IMMP2L: variants seen among roughly 807,000 people sequenced by gnomAD.
IMMP2L encodes mitochondrial inner membrane protease subunit 2.
In IMMP2L, 18 loss-of-function variants were observed where a neutral mutation model predicts 19.3. The ratio of observed to expected loss-of-function variants is 0.93; its 90% CI spans 0.64 to 1.38. The LOEUF (loss-of-function observed/expected upper bound fraction) is 1.38, where lower values mean the gene tolerates loss of function less well. Ranked by LOEUF, IMMP2L falls within the 40% of genes most tolerant of loss-of-function variation. IMMP2L has a pLI of 0.00. For synonymous variants in IMMP2L, 76 were observed against 73.0 expected (o/e 1.04, Z -0.21); for missense variants, 233 against 218.2 (o/e 1.07, Z -0.43).
chr7:110,915,091 A>C (rs1341476091), intron 4 of IMMP2L, among the ~76,000 whole-genome samples: 1 of 152,206 alleles, frequency 6.6e-6, no homozygotes, highest in Admixed American at 6.5e-5. Flanking sequence ...ATTCCTGGGT[A>C]TATATCCAAA....
chr7:111,529,641 G>T (rs1847208410), intron 1 of IMMP2L, among the ~76,000 whole-genome samples: 1 of 152,136 alleles, frequency 6.6e-6, no homozygotes, highest in South Asian at 2.1e-4. Context: ...ATGTAATTAT[G>T]TAAGGCATAA....
chr7:111,398,113 CT>C (rs1025371072), intron 3 of IMMP2L, among the ~76,000 whole-genome samples: 10 of 151,966 alleles, frequency 6.6e-5, no homozygotes, highest in African/African-American at 2.4e-4. Context: ...ACCATAAACA[CT>C]TTTCGGATTA....
At chr7:111,340,179 TG>T (rs1281613877) in intron 3 of IMMP2L, among the ~76,000 whole-genome samples, 1 of 152,014 alleles carries the variant, frequency 6.6e-6, no homozygotes, top group Non-Finnish European at 1.5e-5. Context: ...GCATACACAG[TG>T]CAAAAAGAAT....
intron 5 of IMMP2L, among the ~76,000 whole-genome samples, chr7:110,790,284 C>A (rs1335124778): frequency 6.6e-6 from 1 of 151,560 alleles, no homozygotes; most frequent in South Asian, 2.1e-4. Context: ...ACAGAGGTAG[C>A]CAAAGGTTGG....
chr7:111,522,905 T>C (rs1209326935), intron 1 of IMMP2L, among the ~76,000 whole-genome samples: 1 of 121,904 alleles, frequency 8.2e-6, no homozygotes, highest in African/African-American at 3.8e-5. Context: ...AATGGATGAA[T>C]GAACTTTAAG....
At chr7:111,490,156 G>A (rs923790482) in intron 2 of IMMP2L, among the ~76,000 whole-genome samples, 22 of 149,368 alleles carry the variant, frequency 1.5e-4, no homozygotes, top group African/African-American at 3.5e-4. Context: ...GGAGTGCACC[G>A]GCATGATCAT....
intron 3 of IMMP2L, among the ~76,000 whole-genome samples, chr7:111,354,943 T>C (rs1027204690): frequency 1.3e-5 from 2 of 151,782 alleles, no homozygotes; most frequent in Non-Finnish European, 2.9e-5. Flanking sequence ...GACCCTAATC[T>C]CAATAGAATA....
intron 3 of IMMP2L, among the ~76,000 whole-genome samples, chr7:111,155,689 C>T (rs1480787442): frequency 6.6e-6 from 1 of 151,622 alleles, no homozygotes; most frequent in Non-Finnish European, 1.5e-5. Flanking sequence ...TATATATACA[C>T]ACACACAGAC....
At chr7:111,091,962 C>T (rs556247193) in intron 3 of IMMP2L, among the ~76,000 whole-genome samples, 29 of 152,242 alleles carry the variant, frequency 1.9e-4, no homozygotes, top group African/African-American at 6.7e-4. Flanking sequence ...AAGCAGATCA[C>T]ACATTATTCT....
rs371516709 is a variant in IMMP2L at position 111,491,769 on chromosome 7, C to G, written c.136-4428G>C. Among the ~76,000 whole-genome samples the G allele has an allele frequency of 3.0e-4, 45 of 152,250 alleles. 1 individual carries two copies. The East Asian group carries it at 4.0e-3, about 14-fold the overall frequency. On this transcript the variant is annotated intron_variant, in intron 2 of 5. Coordinates refer to ENST00000405709, the MANE Select transcript of IMMP2L (RefSeq NM_032549.4). ...TTTGACCTCAGTATCCACAGGTCCT[C>G]TTCCCTAATTTATTTGTATTCTTTT...
intron 3 of IMMP2L, among the ~76,000 whole-genome samples, chr7:111,044,080 A>AT (rs1792150451): frequency 6.6e-6 from 1 of 152,192 alleles, no homozygotes; most frequent in South Asian, 2.1e-4. Context: ...TCTCTGAACC[A>AT]TTTTCAGTAC....
chr7:110,882,302 TTCCTTCCTTCCTTCC>T (rs1395792541), intron 5 of IMMP2L, among the ~76,000 whole-genome samples: 1 of 100,650 alleles, frequency 9.9e-6, no homozygotes, highest in African/African-American at 3.3e-5. Context: ...CCTTCCTTCC[TTCCTTCCTTCCTTCC>T]TTCCTTCCTT....
chr7:111,030,884 G>GTATATA (rs57774530), intron 3 of IMMP2L, among the ~76,000 whole-genome samples: 60 of 127,074 alleles, frequency 4.7e-4, no homozygotes, highest in Middle Eastern at 4.1e-3. Flanking sequence ...GTGTGTGTGT[G>GTATATA]TATATATATA....
chr7:111,175,722 G>T (rs1387989076), intron 3 of IMMP2L, among the ~76,000 whole-genome samples: 1 of 151,800 alleles, frequency 6.6e-6, no homozygotes, highest in African/African-American at 2.4e-5. Flanking sequence ...AATGGGCAAA[G>T]ATTTCTAGAG....
intron 5 of IMMP2L, among the ~76,000 whole-genome samples, chr7:110,822,371 C>A (rs1728716698): frequency 6.6e-6 from 1 of 152,106 alleles, no homozygotes; most frequent in South Asian, 2.1e-4. Context: ...CACCATCTTT[C>A]ATTTCTTCTG....
intron 3 of IMMP2L, among the ~76,000 whole-genome samples, chr7:111,224,433 A>T (rs1404080653): frequency 6.6e-6 from 1 of 152,152 alleles, no homozygotes; most frequent in African/African-American, 2.4e-5. Context: ...CATTTTAGAG[A>T]GGAACCCTGT....
intron 3 of IMMP2L, among the ~76,000 whole-genome samples, chr7:111,376,220 G>T (rs1332284065): frequency 6.6e-6 from 1 of 151,814 alleles, no homozygotes; most frequent in Non-Finnish European, 1.5e-5. Context: ...AAGTTTTTTG[G>T]TAAAAAAAAT....
intron 2 of IMMP2L, among the ~76,000 whole-genome samples, chr7:111,501,694 C>A (rs932384473): frequency 3.9e-5 from 6 of 152,110 alleles, no homozygotes; most frequent in African/African-American, 1.4e-4. Flanking sequence ...AAAGAATTTT[C>A]AACCCAGAAT....
At position 111,532,711 on chromosome 7, in the gene IMMP2L, C is replaced by CA. The variant is rs1361804686; in HGVS notation, c.-2-11263dup. Reference sequence around the variant, plus strand: ...ACTACTCTTTACAAAATGATAAATACAAAAAAATTAGAAACACAGGCTCCC... The same window carrying CA: ...ACTACTCTTTACAAAATGATAAATACAAAAAAAATTAGAAACACAGGCTCCC... On this transcript the variant is annotated intron_variant, in intron 1 of 5. Coordinates refer to ENST00000405709, the MANE Select transcript of IMMP2L (RefSeq NM_032549.4). The CA allele has an allele frequency of 2.6e-5, 4 of 152,162 alleles. No homozygotes were observed. In the East Asian group the frequency reaches 5.8e-4, roughly 22 times the overall value. 9.4% of individuals were successfully genotyped at this position (152,162 alleles called of 1,614,324 possible). A position where few individuals can be genotyped will look rare whatever the true frequency, so the allele number is the denominator to read the frequency against.
Sources: gnomAD v4.1 joint callset for allele counts (sites outside exome capture counted in the v4.1 genomes callset) on GRCh38, gnomAD v4.1.1 for gene constraint, MANE v1.5 for transcripts, NCBI Gene and HGNC (gene_info 2026-07-23, HGNC 2026-07-21) for gene names.